Variants in EXOC4 observed in about 807,000 individuals in gnomAD.
EXOC4 encodes the protein exocyst complex component 4.
In EXOC4, 71 loss-of-function variants were observed where a neutral mutation model predicts 107.2. That is an observed-to-expected ratio of 0.66 (90% CI 0.55 to 0.81). EXOC4 has a LOEUF of 0.81. Ranked by LOEUF, EXOC4 falls within the 30% of genes least tolerant of loss-of-function variation. The probability of loss-of-function intolerance (pLI) is 0.00; values close to 1 mark genes in which losing one functional copy is unlikely to be tolerated. For synonymous variants in EXOC4, 456 were observed against 441.2 expected (o/e 1.03, Z -0.42); for missense variants, 1,108 against 1,189.6 (o/e 0.93, Z 1.01).
chr7:133,334,799 A>G (rs1795474055), intron 5 of EXOC4, among the ~76,000 whole-genome samples: 1 of 150,154 alleles, frequency 6.7e-6, no homozygotes, highest in Non-Finnish European at 1.5e-5. Flanking sequence ...TTTAGTTCCT[A>G]CTCATTAGTT....
intron 10 of EXOC4, among the ~76,000 whole-genome samples, chr7:133,644,029 C>G (rs7780456): frequency 1.3e-5 from 2 of 151,934 alleles, no homozygotes. Context: ...CAAGGGGACC[C>G]GGCCTCCCGT....
chr7:133,730,134 C>G (rs1795296010), intron 10 of EXOC4, among the ~76,000 whole-genome samples: 2 of 147,692 alleles, frequency 1.4e-5, no homozygotes, highest in African/African-American at 5.0e-5. Context: ...CTAATAACCA[C>G]AAATCAAGGA....
chr7:133,382,934 G>C (rs1249502822), intron 7 of EXOC4, among the ~76,000 whole-genome samples: 1 of 152,194 alleles, frequency 6.6e-6, no homozygotes, highest in Non-Finnish European at 1.5e-5. Flanking sequence ...AGGAGACAAG[G>C]CTATAGCTAT....
intron 11 of EXOC4, among the ~76,000 whole-genome samples, chr7:133,848,272 G>A (rs375165826): frequency 5.3e-5 from 8 of 152,154 alleles, no homozygotes; most frequent in East Asian, 1.9e-4. Flanking sequence ...GAGGAGAAGA[G>A]GAGGATGCCC....
rs569056622 is a variant in EXOC4 at position 133,393,506 on chromosome 7, C to T, written c.1182+18504C>T. On this transcript the variant is annotated intron_variant, in intron 7 of 17. Transcript: ENST00000253861. ...TTGCTATAGACTGAATGTTTATGTCCCCCCTACCCCATATTCATATGTTGA... is the reference window on the plus strand; with the variant it reads ...TTGCTATAGACTGAATGTTTATGTCTCCCCTACCCCATATTCATATGTTGA... Among the ~76,000 whole-genome samples the T allele has an allele frequency of 7.0e-4, 107 of 152,120 alleles. No homozygotes were observed. In the South Asian group the frequency reaches 0.011, roughly 15 times the overall value.
At chr7:133,499,454 A>T (rs902297584) in intron 9 of EXOC4, among the ~76,000 whole-genome samples, 8 of 152,212 alleles carry the variant, frequency 5.3e-5, no homozygotes, top group Admixed American at 5.2e-4. Flanking sequence ...TTAGGAATGT[A>T]TCATAGATTA....
intron 9 of EXOC4, among the ~76,000 whole-genome samples, chr7:133,578,995 T>G (rs953861160): frequency 6.6e-6 from 1 of 152,156 alleles, no homozygotes; most frequent in African/African-American, 2.4e-5. Context: ...TAGAATTACA[T>G]AAATAATGAA....
At chr7:133,864,218 T>C (rs1585208065) in intron 11 of EXOC4, among the ~76,000 whole-genome samples, 1 of 152,216 alleles carries the variant, frequency 6.6e-6, no homozygotes, top group Non-Finnish European at 1.5e-5. Flanking sequence ...TTAATGAATG[T>C]CTGGATAGCA....
intron 9 of EXOC4, among the ~76,000 whole-genome samples, chr7:133,491,792 G>A (rs1799376987): frequency 6.6e-6 from 1 of 152,150 alleles, no homozygotes; most frequent in Admixed American, 6.5e-5. Flanking sequence ...AGTCATAGGA[G>A]GTATTACAAA....
At chr7:133,626,361 C>CT (rs1422824650) in intron 9 of EXOC4, among the ~76,000 whole-genome samples, 1 of 152,120 alleles carries the variant, frequency 6.6e-6, no homozygotes, top group East Asian at 1.9e-4. Context: ...TGGCCGTGAC[C>CT]TTTACTTTTG....
intron 7 of EXOC4, among the ~76,000 whole-genome samples, chr7:133,435,340 T>C (rs1217086487): frequency 6.6e-6 from 1 of 152,230 alleles, no homozygotes; most frequent in Non-Finnish European, 1.5e-5. Context: ...GTCTTTTTTT[T>C]CCTTGCTTTT....
intron 7 of EXOC4, among the ~76,000 whole-genome samples, chr7:133,471,312 T>C (rs533850698): frequency 6.6e-6 from 1 of 151,606 alleles, no homozygotes; most frequent in Admixed American, 6.6e-5. Flanking sequence ...CTCGGGAGGC[T>C]GAGGCAGGAG....
chr7:133,260,416 G>C lies in EXOC4; in HGVS notation c.86+7229G>C, dbSNP rs1252606010. On this transcript the variant is annotated intron_variant, in intron 1 of 17. Coordinates refer to ENST00000253861, the MANE Select transcript of EXOC4 (RefSeq NM_021807.4). ...AGCCTCCTGAGTAGCTGGGATTATAGGCGTGCGCCACCACACCCGGCTAAT... is the reference window on the plus strand; with the variant it reads ...AGCCTCCTGAGTAGCTGGGATTATACGCGTGCGCCACCACACCCGGCTAAT... 3.2e-4 allele frequency among the ~76,000 whole-genome samples: 48 copies of C among 151,952 alleles called. 1 individual carries two copies.
intron 14 of EXOC4, among the ~76,000 whole-genome samples, chr7:133,975,308 A>G (rs575636972): frequency 4.6e-5 from 7 of 152,152 alleles, no homozygotes; most frequent in Non-Finnish European, 1.0e-4. Flanking sequence ...TTAGCTTGAC[A>G]TTTCCAGAAG....
intron 10 of EXOC4, among the ~76,000 whole-genome samples, chr7:133,725,921 C>T (rs1184591891): frequency 6.6e-6 from 1 of 152,106 alleles, no homozygotes; most frequent in Non-Finnish European, 1.5e-5. Context: ...AGAGGAAATT[C>T]AAACAAATAA....
intron 7 of EXOC4, among the ~76,000 whole-genome samples, chr7:133,421,719 T>C (rs1797611400): frequency 6.6e-6 from 1 of 152,198 alleles, no homozygotes; most frequent in South Asian, 2.1e-4. Context: ...TCTGTTACTT[T>C]CAACTAGAGA....
chr7:133,376,820 A>G (rs1796501151), intron 7 of EXOC4, among the ~76,000 whole-genome samples: 1 of 152,188 alleles, frequency 6.6e-6, no homozygotes, highest in Non-Finnish European at 1.5e-5. Flanking sequence ...AGTAGAAGAC[A>G]GGCTACTATA....
intron 10 of EXOC4, among the ~76,000 whole-genome samples, chr7:133,645,105 T>TTC (rs1802957246): frequency 1.5e-5 from 2 of 133,740 alleles, no homozygotes; most frequent in African/African-American, 5.4e-5. Flanking sequence ...TTTTTTTTTT[T>TTC]CTTTGAGATG....
intron 7 of EXOC4, among the ~76,000 whole-genome samples, chr7:133,404,660 C>T (rs111650071): frequency 1.3e-5 from 2 of 151,996 alleles, no homozygotes; most frequent in Non-Finnish European, 2.9e-5. Context: ...TTTCTTGGGG[C>T]CATGACTCTG....
Sources: gnomAD v4.1 joint callset for allele counts (sites outside exome capture counted in the v4.1 genomes callset) on GRCh38, gnomAD v4.1.1 for gene constraint, MANE v1.5 for transcripts, NCBI Gene and HGNC (gene_info 2026-07-23, HGNC 2026-07-21) for gene names.